The following LATS2 variants were observed in gnomAD, a reference collection of about 807,000 sequenced individuals.
The protein encoded by LATS2 is large tumor suppressor kinase 2.
LATS2 carries 24 observed loss-of-function variants against 76.0 expected under a neutral mutation model. The observed-to-expected ratio is 0.32, with a 90% CI of 0.23 to 0.44. LATS2 has a LOEUF of 0.44. LATS2 is among the 20% of genes least tolerant of loss of function. The pLI is 1.00. For missense variants in LATS2, 1,286 were observed against 1,481.2 expected, an observed-to-expected ratio of 0.87 and a Z score of 2.16; for synonymous variants, 692 against 635.4, an observed-to-expected ratio of 1.09 and a Z score of -1.34.
intron 7 of LATS2, among the ~76,000 whole-genome samples, chr13:20,978,813 C>T (rs1238101218): frequency 1.3e-5 from 2 of 152,080 alleles, no homozygotes; most frequent in Admixed American, 6.5e-5. Context: ...CCAGGCTGGA[C>T]TGCAGTGGTG....
intron 2 of LATS2, among the ~76,000 whole-genome samples, chr13:21,011,121 C>T (rs1193830670): frequency 6.6e-5 from 10 of 152,238 alleles, no homozygotes; most frequent in Non-Finnish European, 1.5e-5. Flanking sequence ...TTGATTTTTG[C>T]AGAAATGCAT....
intron 2 of LATS2, among the ~76,000 whole-genome samples, chr13:20,993,662 T>C (rs2138301651): frequency 6.6e-6 from 1 of 152,246 alleles, no homozygotes; most frequent in Non-Finnish European, 1.5e-5. Context: ...AAAGGGCAAG[T>C]GTTTACAACC....
At chr13:21,022,016 T>C (rs1406251671) in intron 2 of LATS2, among the ~76,000 whole-genome samples, 2 of 152,282 alleles carry the variant, frequency 1.3e-5, no homozygotes, top group Non-Finnish European at 1.5e-5. Context: ...ACTGAAAGTA[T>C]AGTGGGCCCT....
chr13:21,028,742 TG>T (rs1872409740), intron 2 of LATS2, among the ~76,000 whole-genome samples: 1 of 152,184 alleles, frequency 6.6e-6, no homozygotes, highest in East Asian at 1.9e-4. Flanking sequence ...TGCTAATTTT[TG>T]TATTTTAGTA....
In LATS2 at chr13:20,988,343, C is replaced by CGGGGAG; in HGVS notation, c.1436_1437insCTCCCC (p.Pro479_Ala480insSerPro). 1 of 1,298,770 alleles carries CGGGGAG rather than the reference C, an allele frequency of 7.7e-7. No individual in the cohort carries two copies. Among genetic ancestry groups the CGGGGAG allele is most frequent in the Non-Finnish European group, 1.0e-6 (1 of 1,004,360 alleles). 80.5% of individuals were successfully genotyped at this position (1,298,770 alleles called of 1,614,324 possible). ...CCTTGGCGTCCAAGCCCTCCGCAGC[C>CGGGGAG]GGGGCGGGGGCGGGGGCGGGGGCCG... On this transcript the variant is annotated inframe_insertion, in exon 4 of 8. Transcript: ENST00000382592.
rs376976811 is a variant in LATS2 at position 21,058,451 on chromosome 13, G to A, written c.-205+2895C>T. Among the ~76,000 whole-genome samples, 4 of 152,156 alleles carry A rather than the reference G, an allele frequency of 2.6e-5. No individual in the cohort carries two copies. In the East Asian group the frequency reaches 5.8e-4, roughly 22 times the overall value. ...CCCCACCCCTTGGTGGAGTTTAGGA[G>A]CCCAAGGCTGGCTATTTACAACATA... On this transcript the variant is annotated intron_variant, in intron 1 of 7. Coordinates refer to ENST00000382592, the MANE Select transcript of LATS2 (RefSeq NM_014572.3).
intron 2 of LATS2, among the ~76,000 whole-genome samples, chr13:21,043,087 A>G (rs1194692414): frequency 2.6e-5 from 4 of 152,146 alleles, no homozygotes; most frequent in African/African-American, 9.7e-5. Context: ...TAATCCCAGC[A>G]CCTTGGGAGG....
Position 21,045,981 on chromosome 13 carries a change from G to A in LATS2, c.46C>T (p.Arg16Trp), listed in dbSNP as rs769538257. 7 of 1,613,994 alleles carry A rather than the reference G, an allele frequency of 4.3e-6. No individual in the cohort carries two copies. Among genetic ancestry groups the A allele is most frequent in the Middle Eastern group, 1.6e-4 (1 of 6,062 alleles). Residue 16 changes from arginine (R) to tryptophan (W), a missense_variant, in exon 2 of 8, where the codon CGG becomes TGG. Physicochemically the swap from Arg to Trp is moderately radical, Grantham distance 101. Coordinates refer to ENST00000382592, the MANE Select transcript of LATS2 (RefSeq NM_014572.3). ...FPATTYSGNS[R>W]QRLQEIREGL... ...TCACGAATCTCTTGCAGTCGCTGCC[G>A]GCTATTTCCAGAATAAGTCGTGGCA...
intron 7 of LATS2, among the ~76,000 whole-genome samples, chr13:20,978,396 T>C (rs61088051): frequency 0.12 from 17,976 of 152,064 alleles, 1,969 homozygotes; most frequent in East Asian, 0.51. Flanking sequence ...CCTTAGTAAC[T>C]CATTTCAGAA....
rs996263117 is a variant in LATS2, at chr13:20,979,621, C to T, written c.2772+70G>A. ...TCAGAATAAGAGGGCAAATGCTGAC[C>T]AAAGATTCATGGGTACATGAGCAAA... On this transcript the variant is annotated intron_variant, in intron 7 of 7. Coordinates refer to ENST00000382592, the MANE Select transcript of LATS2 (RefSeq NM_014572.3). The T allele has an allele frequency of 5.3e-5, 42 of 793,166 alleles. No homozygotes were observed. The Middle Eastern group carries it at 8.1e-4, about 15-fold the overall frequency. The allele number at this position is 793,166 out of a possible 1,614,324, so 49.1% of individuals were successfully genotyped here. A position where few individuals can be genotyped will look rare whatever the true frequency, so the allele number is the denominator to read the frequency against.
At chr13:21,049,239 T>C (rs1178065005) in intron 1 of LATS2, among the ~76,000 whole-genome samples, 1 of 152,210 alleles carries the variant, frequency 6.6e-6, no homozygotes, top group Non-Finnish European at 1.5e-5. Flanking sequence ...CCAGCCATGT[T>C]GAGTCTGGAC....
chr13:21,022,900 A>G (rs1829656514), intron 2 of LATS2, among the ~76,000 whole-genome samples: 1 of 152,236 alleles, frequency 6.6e-6, no homozygotes, highest in Non-Finnish European at 1.5e-5. Context: ...GAACACATCT[A>G]TAATCTTCAT....
chr13:20,994,134 A>G (rs924064448), intron 2 of LATS2, among the ~76,000 whole-genome samples: 2 of 152,218 alleles, frequency 1.3e-5, no homozygotes, highest in Non-Finnish European at 2.9e-5. Flanking sequence ...TTTATTGTGC[A>G]TCAAATCTAG....
intron 1 of LATS2, among the ~76,000 whole-genome samples, chr13:21,058,253 T>C (rs1215337562): frequency 6.6e-6 from 1 of 152,254 alleles, no homozygotes; most frequent in Non-Finnish European, 1.5e-5. Context: ...TAAGAAATAC[T>C]GTTCAGAAGT....
chr13:21,037,857 G>C (rs1271477136), intron 2 of LATS2, among the ~76,000 whole-genome samples: 2 of 152,174 alleles, frequency 1.3e-5, no homozygotes, highest in Non-Finnish European at 2.9e-5. Flanking sequence ...GCCAGCAGCT[G>C]GGATCCTGCA....
chr13:20,995,309 A>G (rs1294507528), intron 2 of LATS2, among the ~76,000 whole-genome samples: 2 of 152,224 alleles, frequency 1.3e-5, no homozygotes, highest in Admixed American at 6.5e-5. Context: ...ATACAAAGAA[A>G]TGTAATGAGT....
chr13:21,052,953 T>A (rs1221837895), intron 1 of LATS2, among the ~76,000 whole-genome samples: 1 of 151,926 alleles, frequency 6.6e-6, no homozygotes, highest in Non-Finnish European at 1.5e-5. Context: ...AACCGAACGC[T>A]GGGCCGGGCA....
At chr13:20,975,681 T>G (rs1396996799) in intron 7 of LATS2, among the ~76,000 whole-genome samples, 1 of 152,200 alleles carries the variant, frequency 6.6e-6, no homozygotes, top group Non-Finnish European at 1.5e-5. Flanking sequence ...CTACAAGTTC[T>G]TTCTTTCTTT....
intron 1 of LATS2, among the ~76,000 whole-genome samples, chr13:21,048,792 G>C (rs1565965970): frequency 6.6e-6 from 1 of 151,918 alleles, no homozygotes; most frequent in African/African-American, 2.4e-5. Context: ...AGCCGAGATC[G>C]CACCATCGCA....
Sources: gnomAD v4.1 joint callset for allele counts (sites outside exome capture counted in the v4.1 genomes callset) on GRCh38, gnomAD v4.1.1 for gene constraint, MANE v1.5 for transcripts, NCBI Gene and HGNC (gene_info 2026-07-23, HGNC 2026-07-21) for gene names.